MAGI1: variants seen among roughly 807,000 people sequenced by gnomAD.
MAGI1 encodes the protein membrane associated guanylate kinase, WW and PDZ domain containing 1.
A neutral mutation model predicts 139.9 loss-of-function variants in MAGI1; 58 were observed. That is an observed-to-expected ratio of 0.41 (90% CI 0.34 to 0.52). The LOEUF is 0.52. Ranked by LOEUF, MAGI1 falls within the 20% of genes least tolerant of loss-of-function variation. MAGI1 has a pLI of 0.12. For missense variants in MAGI1, 1,874 were observed against 1,901.6 expected (o/e 0.99, Z 0.27); for synonymous variants, 812 against 737.9 (o/e 1.10, Z -1.63).
intron 1 of MAGI1, among the ~76,000 whole-genome samples, chr3:65,662,431 A>G (rs1365005376): frequency 6.6e-6 from 1 of 152,250 alleles, no homozygotes; most frequent in East Asian, 1.9e-4. Context: ...CTTTGTGTGA[A>G]TGCAGCTATG....
intron 12 of MAGI1, among the ~76,000 whole-genome samples, chr3:65,404,205 T>C (rs1027627958): frequency 3.3e-5 from 5 of 152,218 alleles, no homozygotes; most frequent in Admixed American, 2.6e-4. Flanking sequence ...CATTTTCACA[T>C]ATCACTGATG....
At chr3:65,598,805 C>T (rs2082350702) in intron 2 of MAGI1, among the ~76,000 whole-genome samples, 1 of 152,158 alleles carries the variant, frequency 6.6e-6, no homozygotes, top group East Asian at 1.9e-4. Flanking sequence ...TAAGAGCCGG[C>T]GGTATCACCT....
At chr3:65,550,946 G>A (rs1043879481) in intron 2 of MAGI1, among the ~76,000 whole-genome samples, 3 of 152,096 alleles carry the variant, frequency 2.0e-5, no homozygotes, top group African/African-American at 7.2e-5. Context: ...CTCCAGCCTG[G>A]GCAACAGAGA....
In MAGI1 at chr3:65,898,463, C is replaced by T. The variant is rs187606438; in HGVS notation, c.313+139533G>A. Among the ~76,000 whole-genome samples the T allele has an allele frequency of 5.9e-5, 9 of 152,014 alleles. No homozygotes were observed. The East Asian group carries it at 1.2e-3, about 20-fold the overall frequency. On this transcript the variant is annotated intron_variant, in intron 1 of 22. Coordinates refer to ENST00000402939, the MANE Select transcript of MAGI1 (RefSeq NM_001033057.2). ...GTTCATTTGTATGTGTACATATGTA[C>T]GTGTAAAAAAATTATATACACAAAT...
At chr3:65,468,651 A>G (rs1381696758) in intron 5 of MAGI1, among the ~76,000 whole-genome samples, 1 of 152,162 alleles carries the variant, frequency 6.6e-6, no homozygotes, top group East Asian at 1.9e-4. Context: ...TGCTGAGATT[A>G]CAGGCGTGAG....
Position 65,453,247 on chromosome 3 carries a change from T to C in MAGI1, c.1042+11A>G. The C allele has an allele frequency of 6.2e-7, 1 of 1,613,660 alleles. No individual in the cohort carries two copies. Among genetic ancestry groups the C allele is most frequent in the South Asian group, 1.1e-5 (1 of 91,068 alleles). ...CAATTCACTTAACCCAAGACCTGCC[T>C]GGCCCCTTACCATCATCTTCACACT... On this transcript the variant is annotated intron_variant, in intron 6 of 22. Coordinates refer to ENST00000402939, the MANE Select transcript of MAGI1 (RefSeq NM_001033057.2).
At position 65,447,324 on chromosome 3, in the gene MAGI1, G is replaced by A. The variant is rs141462060; in HGVS notation, c.1078+698C>T. On this transcript the variant is annotated intron_variant, in intron 7 of 22. Transcript: ENST00000402939. Reference sequence around the variant, plus strand: ...TAATTCAATATATTCCAATAGCAAAGAAACAAGAATTTGGCATCATCTGCT... The same window carrying A: ...TAATTCAATATATTCCAATAGCAAAAAAACAAGAATTTGGCATCATCTGCT... Among the ~76,000 whole-genome samples the A allele has an allele frequency of 3.1e-4, 47 of 152,276 alleles. 1 individual carries two copies. In the East Asian group the frequency reaches 8.7e-3, roughly 28 times the overall value.
At position 65,439,916 on chromosome 3, in the gene MAGI1, TTGCTGCTGCTGTTGCTGCTGCTGC is replaced by T. The variant is rs1428520971; in HGVS notation, c.1209_1232del (p.Gln414_Gln421del). ...GCTGCTGCTGCTGCTGCTGCTGCTG[TTGCTGCTGCTGTTGCTGCTGCTGC>T]TGCTGCTCAAGCTGCTTCTTCCGTT... On this transcript the variant is annotated inframe_deletion, in exon 9 of 23. Transcript: ENST00000402939. 7.4e-7 allele frequency: 1 copy of T among 1,344,768 alleles called. No individual in the cohort carries two copies. Among genetic ancestry groups the T allele is most frequent in the African/African-American group, 1.6e-5 (1 of 60,730 alleles). The allele number at this position is 1,344,768 out of a possible 1,614,324, so 83.3% of individuals were successfully genotyped here. A position where few individuals can be genotyped will look rare whatever the true frequency, so the allele number is the denominator to read the frequency against.
chr3:65,636,666 G>C (rs565124463), intron 1 of MAGI1, among the ~76,000 whole-genome samples: 1 of 151,582 alleles, frequency 6.6e-6, no homozygotes, highest in South Asian at 2.1e-4. Flanking sequence ...AAGTTCTACA[G>C]CTTTTTTTTT....
At chr3:65,477,148 T>G (rs1157438248) in intron 4 of MAGI1, among the ~76,000 whole-genome samples, 5 of 152,220 alleles carry the variant, frequency 3.3e-5, no homozygotes, top group Non-Finnish European at 7.4e-5. Flanking sequence ...TACCTAACAC[T>G]TCTTGCACAG....
At chr3:65,440,939 C>T (rs1196828058) in intron 8 of MAGI1, among the ~76,000 whole-genome samples, 4 of 151,076 alleles carry the variant, frequency 2.6e-5, no homozygotes, top group Non-Finnish European at 5.9e-5. Context: ...TATACACACA[C>T]ACAAGCATAT....
At chr3:65,900,713 C>G (rs2061190825) in intron 1 of MAGI1, among the ~76,000 whole-genome samples, 1 of 152,202 alleles carries the variant, frequency 6.6e-6, no homozygotes, top group Non-Finnish European at 1.5e-5. Context: ...CATTTTCTTA[C>G]CCCTATAGGT....
At chr3:66,026,202 G>C (rs2068251727) in intron 1 of MAGI1, among the ~76,000 whole-genome samples, 2 of 152,008 alleles carry the variant, frequency 1.3e-5, no homozygotes, top group Admixed American at 1.3e-4. Context: ...TTTAAACCAG[G>C]CCAAGGTGGT....
At chr3:66,025,509 A>C (rs1393234337) in intron 1 of MAGI1, among the ~76,000 whole-genome samples, 1 of 152,194 alleles carries the variant, frequency 6.6e-6, no homozygotes, top group Non-Finnish European at 1.5e-5. Flanking sequence ...ACTCCAGCCT[A>C]GGCGACAGAG....
chr3:65,585,111 G>C (rs553755996), intron 2 of MAGI1, among the ~76,000 whole-genome samples: 19 of 152,350 alleles, frequency 1.2e-4, no homozygotes, highest in Non-Finnish European at 2.2e-4. Flanking sequence ...ACCATTTATA[G>C]ATGAGGTAAC....
At chr3:65,360,351 CTT>C (rs533416565) in intron 22 of MAGI1, 8,023 of 879,952 alleles carry the variant, frequency 9.1e-3, no homozygotes, top group Non-Finnish European at 9.9e-3. Flanking sequence ...ATAGCTTCTT[CTT>C]TTTTTTTTTT....
At chr3:65,975,011 C>G (rs2065195830) in intron 1 of MAGI1, among the ~76,000 whole-genome samples, 1 of 151,430 alleles carries the variant, frequency 6.6e-6, no homozygotes, top group Non-Finnish European at 1.5e-5. Flanking sequence ...GTACCATAGG[C>G]AGGGTTATTT....
chr3:65,943,470 G>T (rs2063406968), intron 1 of MAGI1, among the ~76,000 whole-genome samples: 1 of 152,026 alleles, frequency 6.6e-6, no homozygotes, highest in South Asian at 2.1e-4. Context: ...GGCTAGTCGG[G>T]AGGCTGAGGC....
At chr3:65,396,272 G>C (rs1944387239) in intron 13 of MAGI1, among the ~76,000 whole-genome samples, 1 of 152,198 alleles carries the variant, frequency 6.6e-6, no homozygotes, top group South Asian at 2.1e-4. Flanking sequence ...TTTGAAGCAA[G>C]AGTCTTATTG....
Sources: gnomAD v4.1 joint callset for allele counts (sites outside exome capture counted in the v4.1 genomes callset) on GRCh38, gnomAD v4.1.1 for gene constraint, MANE v1.5 for transcripts, NCBI Gene and HGNC (gene_info 2026-07-23, HGNC 2026-07-21) for gene names.